TNFAIP3: variants seen among roughly 807,000 people sequenced by gnomAD.
TNFAIP3 encodes tumor necrosis factor alpha-induced protein 3.
A neutral mutation model predicts 72.4 loss-of-function variants in TNFAIP3; 9 were observed. The observed-to-expected ratio is 0.12, with a 90% CI of 0.07 to 0.22. The LOEUF (loss-of-function observed/expected upper bound fraction) is 0.22, where lower values mean the gene tolerates loss of function less well. Among genes scored for constraint, TNFAIP3 ranks in the 10% least tolerant of loss-of-function variants. The probability of loss-of-function intolerance (pLI) is 1.00; values close to 1 mark genes in which losing one functional copy is unlikely to be tolerated. For synonymous variants in TNFAIP3, 339 were observed against 372.6 expected (o/e 0.91, Z 1.04); for missense variants, 833 against 1,018.7 (o/e 0.82, Z 2.48).
chr6:137,882,580 C>T lies in TNFAIP3; in HGVS notation c.*1261C>T, dbSNP rs561408738. 8.6e-6 allele frequency: 2 copies of T among 232,778 alleles called. No homozygotes were observed. The highest frequency in any genetic ancestry group is 3.6e-4 in the South Asian group (2 of 5,526). The allele number at this position is 232,778 out of a possible 1,614,324, so 14.4% of individuals were successfully genotyped here. A position where few individuals can be genotyped will look rare whatever the true frequency, so the allele number is the denominator to read the frequency against. On this transcript the variant is annotated 3_prime_UTR_variant, in exon 9 of 9. Coordinates refer to ENST00000612899, the MANE Select transcript of TNFAIP3 (RefSeq NM_001270508.2). ...CAGCTATGTAATAAAAAACTATACT[C>T]TGTGTTCTGTTAATGCCTCTGAGTG...
chr6:137,881,561 C>A lies in TNFAIP3; in HGVS notation c.*242C>A. ...GCAAGGGATGATGTCAGATTCAGCCCAAGGTTCCTCCTCTCCTACCAAGCA... is the reference window on the plus strand; with the variant it reads ...GCAAGGGATGATGTCAGATTCAGCCAAAGGTTCCTCCTCTCCTACCAAGCA... On this transcript the variant is annotated 3_prime_UTR_variant, in exon 9 of 9. Transcript: ENST00000612899. The surrounding 1 kb of genome is among the most constrained non-coding windows in gnomAD (Gnocchi z 5.0). 2.3e-6 allele frequency: 1 copy of A among 426,626 alleles called. No homozygotes were observed. Among genetic ancestry groups the A allele is most frequent in the Non-Finnish European group, 4.1e-6 (1 of 242,246 alleles). The allele number at this position is 426,626 out of a possible 1,614,324, so 26.4% of individuals were successfully genotyped here. A position where few individuals can be genotyped will look rare whatever the true frequency, so the allele number is the denominator to read the frequency against.
chr6:137,879,250 C>T lies in TNFAIP3; in HGVS notation c.1805C>T (p.Thr602Met), dbSNP rs760531232. 13 of 1,614,068 alleles carry T rather than the reference C, an allele frequency of 8.1e-6. No individual in the cohort carries two copies. In the Admixed American group the frequency reaches 1.8e-4, roughly 23 times the overall value. ...GCTGCACGGACTCCTGGGGACAGGA[C>T]GGGGACGAGCAAGTGCAGAAAAGCC... ...SQAARTPGDRTGTSKCRKAGC... is the reference protein window; with the variant it reads ...SQAARTPGDRMGTSKCRKAGC... The change falls in exon 7 of 9, where the codon ACG (threonine) becomes ATG (methionine). Residue 602 changes from threonine to methionine, a missense_variant. Thr to Met is a moderately conservative substitution (Grantham distance 81). Transcript: ENST00000612899.
chr6:137,881,205 C>T lies in TNFAIP3; in HGVS notation c.2259C>T (p.Ala753=), dbSNP rs1776446793. Reference sequence around the variant, plus strand: ...CTGGGGCCCACCGGGGTGAGCCTGCCCCCGAAGACCCCCCCAAGCAGCGTT... The same window carrying T: ...CTGGGGCCCACCGGGGTGAGCCTGCTCCCGAAGACCCCCCCAAGCAGCGTT... The part of the protein sequence containing the change: ...MGPGAHRGEP[A]PEDPPKQRCR... Residue 753 remains alanine (A), a synonymous_variant, in exon 9 of 9, where the codon GCC becomes GCT. Transcript: ENST00000612899. The surrounding 1 kb of genome is among the most constrained non-coding windows in gnomAD (Gnocchi z 5.0). The T allele has an allele frequency of 1.9e-6, 3 of 1,612,838 alleles. No individual in the cohort carries two copies. Among genetic ancestry groups the T allele is most frequent in the Non-Finnish European group, 2.5e-6 (3 of 1,179,620 alleles).
chr6:137,878,022 G>A (rs2114494555), intron 6 of TNFAIP3, among the ~76,000 whole-genome samples: 1 of 152,306 alleles, frequency 6.6e-6, no homozygotes, highest in South Asian at 2.1e-4. Flanking sequence ...TTCCAAAGTA[G>A]TTTGTACTAT....
intron 4 of TNFAIP3, 72 bp from the exon 5 acceptor site, chr6:137,875,924 G>A: frequency 6.2e-7 from 1 of 1,600,806 alleles, no homozygotes; most frequent in Non-Finnish European, 8.5e-7. Flanking sequence ...CCAAAGTTCA[G>A]GTAACAGAGT....
chr6:137,868,904 G>T (rs562031846), intron 1 of TNFAIP3, among the ~76,000 whole-genome samples: 1 of 152,286 alleles, frequency 6.6e-6, no homozygotes, highest in East Asian at 1.9e-4. Flanking sequence ...ATTGACATTT[G>T]CATGTCTTGC....
rs199763604 is a variant in TNFAIP3, at chr6:137,871,214, T to C, written c.-14T>C. ...TTTTTTTTTTCCTTTCCTTTTCAGG[T>C]GTTGGAGAGCACAATGGCTGAACAA... On this transcript the variant is annotated splice_region_variant and 5_prime_UTR_variant, in exon 2 of 9. Coordinates refer to ENST00000612899, the MANE Select transcript of TNFAIP3 (RefSeq NM_001270508.2). The surrounding 1 kb of genome is among the most constrained non-coding windows in gnomAD (Gnocchi z 4.2). 1.3e-6 allele frequency: 2 copies of C among 1,589,918 alleles called. No individual in the cohort carries two copies. Among genetic ancestry groups the C allele is most frequent in the Non-Finnish European group, 1.7e-6 (2 of 1,168,088 alleles).
At chr6:137,866,951 C>A (rs573331705), upstream of TNFAIP3, 1 of 152,192 alleles carries the variant, frequency 6.6e-6, no homozygotes, top group South Asian at 2.1e-4. Flanking sequence ...TGTGACGTGA[C>A]CCCAGCTTCC....
At position 137,878,751 on chromosome 6, in the gene TNFAIP3, G is replaced by A. The variant is rs766691413; in HGVS notation, c.1306G>A (p.Gly436Arg). 4.3e-6 allele frequency: 7 copies of A among 1,613,928 alleles called. No individual in the cohort carries two copies. Among genetic ancestry groups the A allele is most frequent in the African/African-American group, 1.3e-5 (1 of 74,918 alleles). The change falls in exon 7 of 9, where the codon GGG becomes AGG. Residue 436 changes from glycine to arginine, a missense_variant. Gly to Arg is a moderately radical substitution (Grantham distance 125). This residue lies in a region of TNFAIP3 where 587 missense variants were observed against 657.8 expected (regional missense o/e 0.89). Transcript: ENST00000612899. ...TGAGGGGCTCCCTGGCATGGCGCTC[G>A]GGGCCTCTCGGGGAGAAGCCTATGA... ...GPEGLPGMAL[G>R]ASRGEAYEPL...
Position 137,881,128 on chromosome 6 carries a change from C to T in TNFAIP3, c.2182C>T (p.Arg728Cys), listed in dbSNP as rs373799889. ...CTCCTGCAAGAACATCCTGGCCTGC[C>T]GCAGCGAGGAGCTCTGCATGGAGTG... Reference protein sequence around the residue: ...RASCKNILACRSEELCMECQH... With the variant: ...RASCKNILACCSEELCMECQH... The change falls in exon 9 of 9, where the codon CGC (arginine) becomes TGC (cysteine). Residue 728 changes from arginine (R) to cysteine (C), a missense_variant. This residue lies in a region of TNFAIP3 where 587 missense variants were observed against 657.8 expected (regional missense o/e 0.89). Transcript: ENST00000612899. This position sits in a 1 kb window ranked among gnomAD's most constrained non-coding sequence, Gnocchi z 5.0. 8.1e-6 allele frequency: 13 copies of T among 1,613,856 alleles called. No homozygotes were observed. Among genetic ancestry groups the T allele is most frequent in the African/African-American group, 5.3e-5 (4 of 74,866 alleles).
chr6:137,877,798 A>C (rs1210789721), intron 6 of TNFAIP3, among the ~76,000 whole-genome samples: 1 of 152,228 alleles, frequency 6.6e-6, no homozygotes, highest in East Asian at 1.9e-4. Context: ...TGTTAAAGAG[A>C]TGCCTGTTTC....
rs557753911 is a variant in TNFAIP3 at position 137,877,344 on chromosome 6, A to G, written c.986+88A>G. The G allele has an allele frequency of 8.5e-5, 104 of 1,217,494 alleles. No homozygotes were observed. In the South Asian group the frequency reaches 1.7e-3, roughly 20 times the overall value. The allele number at this position is 1,217,494 out of a possible 1,614,324, so 75.4% of individuals were successfully genotyped here. Reference sequence around the variant, plus strand: ...TGAGTTGCTGCCACCCTGAAGCTCAACAGTAGAGTGATTTGCGGCCAGTTT... The same window carrying G: ...TGAGTTGCTGCCACCCTGAAGCTCAGCAGTAGAGTGATTTGCGGCCAGTTT... On this transcript the variant is annotated intron_variant, in intron 6 of 8. Transcript: ENST00000612899.
In TNFAIP3 at chr6:137,881,982, C is replaced by T. The variant is rs904526334; in HGVS notation, c.*663C>T. 8.6e-6 allele frequency: 2 copies of T among 231,622 alleles called. No homozygotes were observed. The highest frequency in any genetic ancestry group is 1.7e-5 in the Non-Finnish European group (2 of 117,132). The allele number at this position is 231,622 out of a possible 1,614,324, so 14.3% of individuals were successfully genotyped here. On this transcript the variant is annotated 3_prime_UTR_variant, in exon 9 of 9. Coordinates refer to ENST00000612899, the MANE Select transcript of TNFAIP3 (RefSeq NM_001270508.2). The surrounding 1 kb of genome is among the most constrained non-coding windows in gnomAD (Gnocchi z 5.0). ...CACATTGACAGAAAAACAAGCTGCT[C>T]TTTATAATATGCACCTTTTAAAAAA...
chr6:137,866,986 G>A (rs1775854074), upstream of TNFAIP3: 1 of 151,630 alleles, frequency 6.6e-6, no homozygotes, highest in African/African-American at 2.4e-5. Flanking sequence ...ACTCACGCGG[G>A]GACACCCCGG....
intron 6 of TNFAIP3, among the ~76,000 whole-genome samples, chr6:137,877,630 C>G (rs1776294565): frequency 6.6e-6 from 1 of 152,176 alleles, no homozygotes; most frequent in African/African-American, 2.4e-5. Context: ...GAAACAAAAG[C>G]CTTTCTCTCT....
Position 137,875,035 on chromosome 6 carries a change from G to T in TNFAIP3, c.486G>T (p.Arg162=), listed in dbSNP as rs1370367920. ...FVETGLCYDT[R]NWNDEWDNLI... ...AAACGGGGCTTTGCTATGATACTCG[G>T]GTAGGTTTTTCCCCCTAATTATCTA... Residue 162 remains arginine, a splice_region_variant and synonymous_variant, in exon 3 of 9, where the codon CGG becomes CGT. Transcript: ENST00000612899. 1.9e-6 allele frequency: 3 copies of T among 1,614,020 alleles called. No individual in the cohort carries two copies. Among genetic ancestry groups the T allele is most frequent in the Non-Finnish European group, 2.5e-6 (3 of 1,180,018 alleles).
chr6:137,882,297 T>C lies in TNFAIP3; in HGVS notation c.*978T>C, dbSNP rs1053146390. 5 of 231,796 alleles carry C rather than the reference T, an allele frequency of 2.2e-5. No individual in the cohort carries two copies. Among genetic ancestry groups the C allele is most frequent in the Non-Finnish European group, 4.3e-5 (5 of 117,140 alleles). The allele number at this position is 231,796 out of a possible 1,614,324, so 14.4% of individuals were successfully genotyped here. On this transcript the variant is annotated 3_prime_UTR_variant, in exon 9 of 9. Transcript: ENST00000612899. ...TTAAAGGGAGCTCTAGTCCTTTTTG[T>C]GTAATTCACTTTATTTATTTTATTA...
At position 137,881,395 on chromosome 6, in the gene TNFAIP3, C is replaced by A. The variant is rs917611752; in HGVS notation, c.*76C>A. Reference sequence around the variant, plus strand: ...GTCATCATGGTGCTATCCTCTGAACCCCTCAGCTGCCACTGCAACAGTGGG... The same window carrying A: ...GTCATCATGGTGCTATCCTCTGAACACCTCAGCTGCCACTGCAACAGTGGG... On this transcript the variant is annotated 3_prime_UTR_variant, in exon 9 of 9. Transcript: ENST00000612899. This position sits in a 1 kb window ranked among gnomAD's most constrained non-coding sequence, Gnocchi z 5.0. 7.6e-7 allele frequency: 1 copy of A among 1,319,902 alleles called. No individual in the cohort carries two copies. The highest frequency in any genetic ancestry group is 1.0e-6 in the Non-Finnish European group (1 of 959,162). 81.8% of individuals were successfully genotyped at this position (1,319,902 alleles called of 1,614,324 possible). A position where few individuals can be genotyped will look rare whatever the true frequency, so the allele number is the denominator to read the frequency against.
chr6:137,869,885 G>A (rs374423497), intron 1 of TNFAIP3, among the ~76,000 whole-genome samples: 1 of 152,148 alleles, frequency 6.6e-6, no homozygotes, highest in African/African-American at 2.4e-5. Context: ...TCATCTTCTT[G>A]GAAATTAGGA....
Sources: allele counts gnomAD v4.1 joint callset (sites outside exome capture counted in the v4.1 genomes callset), GRCh38; gene constraint gnomAD v4.1.1; regional missense constraint gnomAD v4.1.1; non-coding constraint Gnocchi (gnomAD v3.1); transcripts MANE v1.5; gene names NCBI Gene and HGNC (gene_info 2026-07-23, HGNC 2026-07-21).